The following MACF1 variants were observed in gnomAD, a reference collection of about 807,000 sequenced individuals.
The protein encoded by MACF1 is microtubule actin crosslinking factor 1.
In MACF1, 193 loss-of-function variants were observed where a neutral mutation model predicts 854.8. The ratio of observed to expected loss-of-function variants is 0.23; its 90% CI spans 0.20 to 0.25. The LOEUF is 0.25. Among genes scored for constraint, MACF1 ranks in the 10% least tolerant of loss-of-function variants. MACF1 has a pLI of 1.00. For missense variants in MACF1, 7,722 were observed against 8,929.1 expected (o/e 0.86, Z 5.45); for synonymous variants, 3,185 against 3,226.7 (o/e 0.99, Z 0.44).
chr1:39,306,041 C>A (rs1345974765), intron 23 of MACF1, among the ~76,000 whole-genome samples: 2 of 152,118 alleles, frequency 1.3e-5, no homozygotes, highest in African/African-American at 4.8e-5. Flanking sequence ...GTATCTTTAG[C>A]ACTTAGAACC....
intron 23 of MACF1, among the ~76,000 whole-genome samples, chr1:39,304,699 G>A (rs552198644): frequency 4.4e-4 from 67 of 151,444 alleles, no homozygotes; most frequent in Non-Finnish European, 5.3e-4. Flanking sequence ...GAGTAGCTGG[G>A]ACTACAGGCG....
At chr1:39,234,582 GCC>G in intron 2 of MACF1, among the ~76,000 whole-genome samples, 1 of 112,502 alleles carries the variant, frequency 8.9e-6, no homozygotes, top group African/African-American at 3.2e-5. Flanking sequence ...GGGGCGGCTG[GCC>G]TGGCGGGGGG....
At chr1:39,129,887 C>T (rs961400044) in intron 2 of MACF1, among the ~76,000 whole-genome samples, 8 of 152,158 alleles carry the variant, frequency 5.3e-5, no homozygotes, top group African/African-American at 1.9e-4. Context: ...CTATTCCACT[C>T]CTCCTCCCCT....
chr1:39,370,280 A>G, intron 51 of MACF1, 94 bp downstream of exon 51: 1 of 1,173,674 alleles, frequency 8.5e-7, no homozygotes, highest in South Asian at 1.7e-5. Flanking sequence ...AATGTATGAG[A>G]AATCCAAGTT....
At chr1:39,383,802 G>A (rs1251770090) in intron 56 of MACF1, among the ~76,000 whole-genome samples, 1 of 151,898 alleles carries the variant, frequency 6.6e-6, no homozygotes, top group East Asian at 1.9e-4. Flanking sequence ...GCATGAACTC[G>A]GGAGGCGAAG....
chr1:39,201,002 A>C (rs1009304664), upstream of MACF1, among the ~76,000 whole-genome samples: 1 of 152,126 alleles, frequency 6.6e-6, no homozygotes, highest in African/African-American at 2.4e-5. Context: ...CTGCCCCCCC[A>C]AAAAACAGAC....
At chr1:39,110,967 T>C (rs184372069) in intron 2 of MACF1, among the ~76,000 whole-genome samples, 10 of 152,310 alleles carry the variant, frequency 6.6e-5, no homozygotes, top group Admixed American at 3.3e-4. Flanking sequence ...GTCTGTTGTG[T>C]TTTCTCAGTG....
Position 39,435,639 on chromosome 1 carries a change from C to A in MACF1, c.17866C>A (p.Pro5956Thr), listed in dbSNP as rs2148657614. Reference sequence around the variant, plus strand: ...AGGCCCACAACTAAAGGAATTAAACCCTGAGGAAGGGGAAATGGTGGAAGA... The same window carrying A: ...AGGCCCACAACTAAAGGAATTAAACACTGAGGAAGGGGAAATGGTGGAAGA... The part of the protein sequence containing the change: ...KIGPQLKELN[P>T]EEGEMVEEKY... The change falls in exon 70 of 101, where the codon CCT (proline) becomes ACT (threonine). Residue 5956 changes from proline to threonine, a missense_variant. Pro to Thr is a conservative substitution (Grantham distance 38). Around this residue, in one of 15 missense-constraint regions of MACF1, gnomAD observed 2,807 missense variants for 3,235.8 expected, o/e 0.87. Coordinates refer to ENST00000564288, the MANE Select transcript of MACF1 (RefSeq NM_001394062.1). 1.2e-6 allele frequency: 2 copies of A among 1,613,944 alleles called. No individual in the cohort carries two copies.
Position 39,469,600 on chromosome 1 carries a change from A to G in MACF1, c.21943A>G (p.Ser7315Gly), listed in dbSNP as rs1644738253. The change falls in exon 97 of 101, where the codon AGT (serine) becomes GGT (glycine). Residue 7315 changes from serine to glycine, a missense_variant. By Grantham distance (56) the Ser-to-Gly change is moderately conservative. Around this residue, in one of 15 missense-constraint regions of MACF1, gnomAD observed 153 missense variants for 342.5 expected, o/e 0.45. Transcript: ENST00000564288. ...CTCTGATTCCAGCTCTTCGATTTCCAGTCAGTCTCCCATAGGTTGGCTTTT... is the reference window on the plus strand; with the variant it reads ...CTCTGATTCCAGCTCTTCGATTTCCGGTCAGTCTCCCATAGGTTGGCTTTT... Reference protein sequence around the residue: ...KRSDSSSSISSQSPIARGRTN... With the variant: ...KRSDSSSSISGQSPIARGRTN... The G allele has an allele frequency of 6.4e-7, 1 of 1,550,396 alleles. No individual in the cohort carries two copies.
At chr1:39,175,882 G>A (rs1324907902) in intron 2 of MACF1, among the ~76,000 whole-genome samples, 5 of 148,090 alleles carry the variant, frequency 3.4e-5, no homozygotes, top group Non-Finnish European at 7.4e-5. Flanking sequence ...TGGATCACAA[G>A]GTCAGGAGAT....
rs1169023886 is a variant in MACF1 at position 39,459,120 on chromosome 1, G to A, written c.21231G>A (p.Met7077Ile). 6 of 1,613,806 alleles carry A rather than the reference G, an allele frequency of 3.7e-6. No individual in the cohort carries two copies. The African/African-American group carries it at 8.0e-5, about 22-fold the overall frequency. The change falls in exon 91 of 101, where the codon ATG (methionine) becomes ATA (isoleucine). Residue 7077 changes from methionine to isoleucine, a missense_variant. This residue lies in a region of MACF1 where 729 missense variants were observed against 900.5 expected (regional missense o/e 0.81). Transcript: ENST00000564288. ...KSLSQPTPPP[M>I]PILSQSEAKN... The stretch of plus-strand genomic sequence containing the variant: ...TAAGTCAGCCAACCCCTCCTCCCAT[G>A]CCAATCCTTTCACAGTCTGAAGCAA...
chr1:39,305,333 C>T (rs1646149110), intron 23 of MACF1, among the ~76,000 whole-genome samples: 1 of 151,026 alleles, frequency 6.6e-6, no homozygotes, highest in Admixed American at 6.6e-5. Context: ...TTGGGTTATA[C>T]TGCAAAGTTT....
In MACF1 at chr1:39,316,450, G is replaced by T. The variant is rs1226225772; in HGVS notation, c.3509G>T (p.Gly1170Val). 6.2e-7 allele frequency: 1 copy of T among 1,613,912 alleles called. No individual in the cohort carries two copies. Among genetic ancestry groups the T allele is most frequent in the South Asian group, 1.1e-5 (1 of 91,084 alleles). Residue 1170 changes from glycine (G) to valine (V), a missense_variant, in exon 28 of 101, where the codon GGT (glycine) becomes GTT (valine). This residue lies in a region of MACF1 where 1,137 missense variants were observed against 1,263.0 expected (regional missense o/e 0.90). Transcript: ENST00000564288. ...SIQDAELLVK[G>V]YEIKLSQEEV... is the part of the protein sequence containing the mutation. ...CAGGATGCTGAACTCTTGGTCAAAG[G>T]TTATGAGATTAAGCTGAGTCAAGAA...
rs764941256 is a variant in MACF1, at chr1:39,327,209, A to G, written c.4479-9A>G. ...TCTCCTAAAAAAGCTTTAATGCTTCATCTTCCAGGCTCTCAGAAAAAGAGA... is the reference window on the plus strand; with the variant it reads ...TCTCCTAAAAAAGCTTTAATGCTTCGTCTTCCAGGCTCTCAGAAAAAGAGA... On this transcript the variant is annotated splice_polypyrimidine_tract_variant and intron_variant, in intron 35 of 100. Coordinates refer to ENST00000564288, the MANE Select transcript of MACF1 (RefSeq NM_001394062.1). 10 of 1,556,310 alleles carry G rather than the reference A, an allele frequency of 6.4e-6. No individual in the cohort carries two copies. Among genetic ancestry groups the G allele is most frequent in the Non-Finnish European group, 7.9e-6 (9 of 1,140,104 alleles).
chr1:39,152,602 G>A (rs780966376), intron 2 of MACF1, among the ~76,000 whole-genome samples: 6 of 152,040 alleles, frequency 3.9e-5, no homozygotes, highest in Non-Finnish European at 7.4e-5. Flanking sequence ...TATCTTAGAC[G>A]TCACAGTAAA....
chr1:39,208,376 G>C (rs1202974977), intron 1 of MACF1, among the ~76,000 whole-genome samples: 1 of 151,856 alleles, frequency 6.6e-6, no homozygotes, highest in Non-Finnish European at 1.5e-5. Flanking sequence ...GTAGCACCCT[G>C]TTAACACTAC....
intron 58 of MACF1, among the ~76,000 whole-genome samples, chr1:39,391,212 G>T (rs916661911): frequency 1.3e-5 from 2 of 151,810 alleles, no homozygotes; most frequent in Admixed American, 1.3e-4. Context: ...TATGTATTAT[G>T]CATAAGTTTT....
chr1:39,468,950 G>A (rs1644723198), intron 96 of MACF1, among the ~76,000 whole-genome samples: 1 of 152,184 alleles, frequency 6.6e-6, no homozygotes, highest in Non-Finnish European at 1.5e-5. Flanking sequence ...GGTAGGTCTA[G>A]AGGAATGCAG....
At chr1:39,394,672 G>A (rs1642203040) in intron 58 of MACF1, among the ~76,000 whole-genome samples, 1 of 152,190 alleles carries the variant, frequency 6.6e-6, no homozygotes, top group Admixed American at 6.5e-5. Context: ...GCATGGAGTT[G>A]AAAGACTGCC....
Sources: allele counts gnomAD v4.1 joint callset (sites outside exome capture counted in the v4.1 genomes callset), GRCh38; gene constraint gnomAD v4.1.1; regional missense constraint gnomAD v4.1.1; transcripts MANE v1.5; gene names NCBI Gene and HGNC (gene_info 2026-07-23, HGNC 2026-07-21).